The following GRID2 variants were observed in gnomAD, a reference collection of about 807,000 sequenced individuals.
GRID2 encodes glutamate receptor ionotropic, delta-2.
A neutral mutation model predicts 114.8 loss-of-function variants in GRID2; 33 were observed. That is an observed-to-expected ratio of 0.29 (90% CI 0.22 to 0.38). The LOEUF (loss-of-function observed/expected upper bound fraction) is 0.38, where lower values mean the gene tolerates loss of function less well. Ranked by LOEUF, GRID2 falls within the 10% of genes least tolerant of loss-of-function variation. The probability of loss-of-function intolerance (pLI) is 1.00; values close to 1 mark genes in which losing one functional copy is unlikely to be tolerated. For synonymous variants in GRID2, 505 were observed against 449.9 expected (o/e 1.12, Z -1.55); for missense variants, 1,184 against 1,257.7 (o/e 0.94, Z 0.89).
intron 14 of GRID2, among the ~76,000 whole-genome samples, chr4:93,627,580 G>A (rs1297561959): frequency 6.6e-6 from 1 of 152,146 alleles, no homozygotes; most frequent in African/African-American, 2.4e-5. Flanking sequence ...ATGAAACAAG[G>A]CTGTAATTTG....
intron 8 of GRID2, among the ~76,000 whole-genome samples, chr4:93,335,913 C>A (rs189684251): frequency 1.3e-3 from 198 of 152,222 alleles, no homozygotes; most frequent in African/African-American, 4.6e-3. Flanking sequence ...TGGTCTTAAA[C>A]TGGGCTCAAG....
intron 1 of GRID2, among the ~76,000 whole-genome samples, chr4:92,330,955 C>A (rs1440892108): frequency 6.6e-6 from 1 of 152,062 alleles, no homozygotes; most frequent in Admixed American, 6.6e-5. Flanking sequence ...TGGAATTTCA[C>A]TTATCAAAAT....
At chr4:93,804,029 G>T (rs1429662447) in intron 1 of GRID2, among the ~76,000 whole-genome samples, 3 of 152,158 alleles carry the variant, frequency 2.0e-5, no homozygotes, top group African/African-American at 4.8e-5. Flanking sequence ...CCATTCATGT[G>T]ACCCTCAGAA....
chr4:93,291,448 T>A (rs757434835), intron 8 of GRID2, among the ~76,000 whole-genome samples: 67 of 152,216 alleles, frequency 4.4e-4, no homozygotes, highest in Admixed American at 7.9e-4. Flanking sequence ...TAGAATTAAG[T>A]GGTCATCACA....
intron 12 of GRID2, among the ~76,000 whole-genome samples, chr4:93,510,795 T>A (rs1448070333): frequency 1.3e-5 from 2 of 152,174 alleles, no homozygotes; most frequent in African/African-American, 4.8e-5. Flanking sequence ...AATCTTTATA[T>A]AAAAACAGTA....
chr4:92,901,975 A>G (rs1237235636), intron 2 of GRID2, among the ~76,000 whole-genome samples: 1 of 152,006 alleles, frequency 6.6e-6, no homozygotes, highest in African/African-American at 2.4e-5. Flanking sequence ...GTAGGACTCA[A>G]GTATGAATCC....
intron 4 of GRID2, among the ~76,000 whole-genome samples, chr4:93,148,724 T>A (rs1736473713): frequency 6.6e-6 from 1 of 152,184 alleles, no homozygotes. Context: ...TACTTATAAT[T>A]CCATTACAGT....
At chr4:92,935,955 C>A (rs1432036141) in intron 2 of GRID2, among the ~76,000 whole-genome samples, 1 of 145,662 alleles carries the variant, frequency 6.9e-6, no homozygotes, top group Non-Finnish European at 1.5e-5. Context: ...TTAATGGGTG[C>A]AGCACACCAG....
At chr4:92,759,491 G>A (rs558227723) in intron 2 of GRID2, among the ~76,000 whole-genome samples, 1 of 152,068 alleles carries the variant, frequency 6.6e-6, no homozygotes, top group South Asian at 2.1e-4. Context: ...GCTCCACTTT[G>A]TAAATATCTT....
chr4:93,010,068 T>C (rs897821773), intron 2 of GRID2, among the ~76,000 whole-genome samples: 5 of 152,078 alleles, frequency 3.3e-5, no homozygotes, highest in East Asian at 1.9e-4. Context: ...AGCAGTCAGA[T>C]GGAAAGGAGA....
At chr4:92,900,646 C>T (rs576683412) in intron 2 of GRID2, among the ~76,000 whole-genome samples, 92 of 152,032 alleles carry the variant, frequency 6.1e-4, no homozygotes, top group African/African-American at 2.1e-3. Flanking sequence ...CTGGCTAACA[C>T]GGTGAAACCC....
chr4:92,825,642 G>A (rs998830021), intron 2 of GRID2, among the ~76,000 whole-genome samples: 1 of 152,070 alleles, frequency 6.6e-6, no homozygotes, highest in Admixed American at 6.6e-5. Flanking sequence ...ATTTAAAGGT[G>A]GATATTTTAG....
chr4:93,353,667 G>A (rs1761023878), intron 8 of GRID2, among the ~76,000 whole-genome samples: 1 of 151,974 alleles, frequency 6.6e-6, no homozygotes, highest in African/African-American at 2.4e-5. Context: ...TAAAAAAATT[G>A]ACAGTGAGTT....
chr4:93,543,710 T>TAGATAGAG (rs1732887997), intron 13 of GRID2, among the ~76,000 whole-genome samples: 3 of 133,494 alleles, frequency 2.2e-5, no homozygotes, highest in Non-Finnish European at 4.7e-5. Context: ...GAGTGAGAGA[T>TAGATAGAG]AGAGAGAGAG....
chr4:93,769,188 T>G, intron 14 of GRID2, 22 bp from the exon 15 acceptor site: 10 of 1,612,524 alleles, frequency 6.2e-6, no homozygotes, highest in Non-Finnish European at 8.5e-6. Flanking sequence ...TAATAACACA[T>G]GCTTATGTTC....
At chr4:93,273,157 T>C (rs1751670863) in intron 8 of GRID2, among the ~76,000 whole-genome samples, 1 of 152,236 alleles carries the variant, frequency 6.6e-6, no homozygotes, top group Non-Finnish European at 1.5e-5. Flanking sequence ...CTAGACTCTA[T>C]GCCTGCAGAA....
chr4:93,493,202 C>T (rs1050730740), intron 12 of GRID2, among the ~76,000 whole-genome samples: 2 of 151,856 alleles, frequency 1.3e-5, no homozygotes, highest in East Asian at 1.9e-4. Flanking sequence ...TCACATCTGA[C>T]TTTGAAGTGT....
At chr4:92,766,468 T>C (rs1456929686) in intron 2 of GRID2, among the ~76,000 whole-genome samples, 1 of 134,358 alleles carries the variant, frequency 7.4e-6, no homozygotes, top group Non-Finnish European at 1.5e-5. Flanking sequence ...ACCCAGGAGG[T>C]GGAGCTTGCG....
intron 14 of GRID2, among the ~76,000 whole-genome samples, chr4:93,677,428 G>A (rs1006495593): frequency 1.3e-5 from 2 of 152,130 alleles, no homozygotes; most frequent in Admixed American, 6.5e-5. Flanking sequence ...AGAGAGCAGT[G>A]GTTCTCCCAG....
Sources: allele counts gnomAD v4.1 joint callset (sites outside exome capture counted in the v4.1 genomes callset), GRCh38; gene constraint gnomAD v4.1.1; transcripts MANE v1.5; gene names NCBI Gene and HGNC (gene_info 2026-07-23, HGNC 2026-07-21).